Variants in SDK1 observed in about 807,000 individuals in gnomAD.
SDK1 encodes the protein sidekick cell adhesion molecule 1, also known as protein sidekick-1.
SDK1 carries 157 observed loss-of-function variants against 245.5 expected under a neutral mutation model. The ratio of observed to expected loss-of-function variants is 0.64; its 90% CI spans 0.56 to 0.73. The LOEUF is 0.73. SDK1 is among the 30% of genes least tolerant of loss of function. The pLI, the probability that SDK1 is intolerant of heterozygous loss-of-function variation, is 0.00. For missense variants in SDK1, 3,583 were observed against 3,002.3 expected (o/e 1.19, Z -4.52); for synonymous variants, 1,647 against 1,278.5 (o/e 1.29, Z -6.15).
chr7:3,753,630 C>T (rs895806936), intron 4 of SDK1, among the ~76,000 whole-genome samples: 13 of 152,282 alleles, frequency 8.5e-5, no homozygotes, highest in African/African-American at 2.2e-4. Context: ...AACCAAGCCA[C>T]GTTCTCCCGA....
At chr7:3,611,406 A>G (rs1019231116) in intron 1 of SDK1, among the ~76,000 whole-genome samples, 2 of 152,166 alleles carry the variant, frequency 1.3e-5, no homozygotes, top group East Asian at 3.9e-4. Flanking sequence ...TTCACATTTA[A>G]TAACCAAACG....
intron 4 of SDK1, among the ~76,000 whole-genome samples, chr7:3,668,243 T>C (rs1783596132): frequency 6.6e-6 from 1 of 152,170 alleles, no homozygotes; most frequent in South Asian, 2.1e-4. Flanking sequence ...AAGGCTTATC[T>C]TTGCTCCACC....
At position 4,113,431 on chromosome 7, in the gene SDK1, C is replaced by T. The variant is rs770990743; in HGVS notation, c.3577C>T (p.Arg1193Cys). ...RTASETSLRL[R>C]WVPLPDSQYN... ...TGCCAGTGAGACCAGCCTGCGGCTT[C>T]GCTGGGTGGTGAGTGGGGGTGAGAA... is the stretch of plus-strand genomic sequence containing the variant. The change falls in exon 24 of 45, where the codon CGC becomes TGC. Residue 1193 changes from arginine to cysteine, a missense_variant. Physicochemically the swap from Arg to Cys is radical, Grantham distance 180. Coordinates refer to ENST00000404826, the MANE Select transcript of SDK1 (RefSeq NM_152744.4). The T allele has an allele frequency of 1.9e-5, 31 of 1,613,604 alleles. No individual in the cohort carries two copies. Among genetic ancestry groups the T allele is most frequent in the African/African-American group, 2.7e-5 (2 of 74,936 alleles).
Position 4,079,488 on chromosome 7 carries a change from G to T in SDK1, c.3228G>T (p.Leu1076=). 6.2e-7 allele frequency: 1 copy of T among 1,614,182 alleles called. No homozygotes were observed. ...ACCTTCCTGGTGCCCCATCCAACCT[G>T]GTCATTTCCAACATCAGCCCTCGCT... ...PPDLPGAPSN[L]VISNISPRSA... The change falls in exon 22 of 45, where the codon CTG becomes CTT. Residue 1076 remains leucine, a synonymous_variant. Transcript: ENST00000404826.
intron 31 of SDK1, among the ~76,000 whole-genome samples, chr7:4,160,284 C>T (rs1781030095): frequency 6.6e-6 from 1 of 152,216 alleles, no homozygotes; most frequent in African/African-American, 2.4e-5. Context: ...AAGCTGATGT[C>T]ATTGTCGTAA....
chr7:3,906,370 G>A (rs1778927604), intron 5 of SDK1, among the ~76,000 whole-genome samples: 2 of 151,548 alleles, frequency 1.3e-5, no homozygotes, highest in African/African-American at 2.4e-5. Context: ...TTACAATGGT[G>A]GCTGTATGCG....
At chr7:3,541,249 C>T (rs1165992387) in intron 1 of SDK1, among the ~76,000 whole-genome samples, 1 of 152,204 alleles carries the variant, frequency 6.6e-6, no homozygotes, top group Admixed American at 6.5e-5. Context: ...GTAAATTAGT[C>T]TGAGTGCTTT....
intron 4 of SDK1, among the ~76,000 whole-genome samples, chr7:3,744,056 A>G (rs1385040012): frequency 1.3e-5 from 2 of 152,024 alleles, no homozygotes; most frequent in East Asian, 1.9e-4. Flanking sequence ...AGTCTTTGCC[A>G]TCTCTCACTT....
In SDK1 at chr7:3,428,188, T is replaced by C. The variant is rs137879998; in HGVS notation, c.298+126304T>C. 2.7e-3 allele frequency among the ~76,000 whole-genome samples: 415 copies of C among 152,358 alleles called. 4 individuals are homozygous for C. Among genetic ancestry groups the C allele is most frequent in the Non-Finnish European group, 3.8e-3 (260 of 68,034 alleles). ...TTGAAAGAAGTGACGTGATTGGTCA[T>C]GGATCATGATACAGATCTGTTATTT... On this transcript the variant is annotated intron_variant, in intron 1 of 44. Coordinates refer to ENST00000404826, the MANE Select transcript of SDK1 (RefSeq NM_152744.4).
intron 1 of SDK1, among the ~76,000 whole-genome samples, chr7:3,546,650 G>T (rs978007369): frequency 2.0e-5 from 3 of 151,756 alleles, no homozygotes; most frequent in Non-Finnish European, 4.4e-5. Context: ...GTGGTGGGCT[G>T]CCCAGGGGGG....
At chr7:4,259,449 T>C (rs186817352) in intron 44 of SDK1, among the ~76,000 whole-genome samples, 1 of 152,182 alleles carries the variant, frequency 6.6e-6, no homozygotes, top group Non-Finnish European at 1.5e-5. Context: ...AATAAATAAA[T>C]AAATCTTAAA....
chr7:3,819,863 A>T (rs1187470672), intron 4 of SDK1, among the ~76,000 whole-genome samples: 1 of 152,180 alleles, frequency 6.6e-6, no homozygotes, highest in Non-Finnish European at 1.5e-5. Flanking sequence ...TAGCAGGAAG[A>T]AAAAGGATTA....
Position 3,941,451 on chromosome 7 carries a change from G to A in SDK1, c.848-9472G>A, listed in dbSNP as rs557186463. Among the ~76,000 whole-genome samples, 10 of 151,796 alleles carry A rather than the reference G, an allele frequency of 6.6e-5. No individual in the cohort carries two copies. The South Asian group carries it at 8.4e-4, about 13-fold the overall frequency. On this transcript the variant is annotated intron_variant, in intron 5 of 44. Transcript: ENST00000404826. The stretch of plus-strand genomic sequence containing the variant: ...CTCCTCCGTGGCCAGCTGTGGCCAC[G>A]CCCATGCCCCCCCACTGCCCCTCAA...
At chr7:3,409,451 G>A (rs911128754) in intron 1 of SDK1, among the ~76,000 whole-genome samples, 2 of 152,112 alleles carry the variant, frequency 1.3e-5, no homozygotes, top group African/African-American at 4.8e-5. Context: ...ACCCTTGGCT[G>A]ACTTTCACCC....
chr7:3,379,910 G>C (rs1414799693), intron 1 of SDK1, among the ~76,000 whole-genome samples: 2 of 152,154 alleles, frequency 1.3e-5, no homozygotes, highest in African/African-American at 4.8e-5. Flanking sequence ...ATATGAGGCA[G>C]ATATTCCCAA....
At chr7:3,693,603 A>G (rs1324550234) in intron 4 of SDK1, among the ~76,000 whole-genome samples, 1 of 151,530 alleles carries the variant, frequency 6.6e-6, no homozygotes, top group East Asian at 1.9e-4. Context: ...TAGATATTTT[A>G]TATTTTTGTT....
chr7:3,613,121 C>T (rs1188021608), intron 1 of SDK1, among the ~76,000 whole-genome samples: 3 of 152,052 alleles, frequency 2.0e-5, no homozygotes, highest in Non-Finnish European at 2.9e-5. Flanking sequence ...TTCATTCTGC[C>T]GTTGAAGGGT....
intron 4 of SDK1, among the ~76,000 whole-genome samples, chr7:3,746,585 A>G (rs1372225276): frequency 6.6e-6 from 1 of 152,238 alleles, no homozygotes; most frequent in African/African-American, 2.4e-5. Flanking sequence ...CTTTGTTGTC[A>G]TGTGAACAAA....
At chr7:3,777,896 T>C (rs774834773) in intron 4 of SDK1, among the ~76,000 whole-genome samples, 12 of 152,194 alleles carry the variant, frequency 7.9e-5, no homozygotes, top group Non-Finnish European at 1.8e-4. Flanking sequence ...GGTCCTTTTC[T>C]TTTTTCTTCT....
Sources: gnomAD v4.1 joint callset for allele counts (sites outside exome capture counted in the v4.1 genomes callset) on GRCh38, gnomAD v4.1.1 for gene constraint, MANE v1.5 for transcripts, NCBI Gene and HGNC (gene_info 2026-07-23, HGNC 2026-07-21) for gene names.